TBCK: variants seen among roughly 807,000 people sequenced by gnomAD.
TBCK encodes the protein TBC1 domain containing kinase, also known as TBC domain-containing protein kinase-like protein.
Under a neutral mutation model 113.4 loss-of-function variants are expected in TBCK, and 99 were observed. That is an observed-to-expected ratio of 0.87 (90% CI 0.74 to 1.03). The LOEUF (loss-of-function observed/expected upper bound fraction) is 1.03, where lower values mean the gene tolerates loss of function less well. Ranked by LOEUF, TBCK falls within the 50% of genes least tolerant of loss-of-function variation. The pLI is 0.00. For synonymous variants in TBCK, 369 were observed against 370.8 expected (o/e 1.00, Z 0.05); for missense variants, 1,045 against 1,061.3 (o/e 0.98, Z 0.21).
chr4:106,277,840 C>T (rs1040069547), intron 3 of TBCK, among the ~76,000 whole-genome samples: 1 of 151,974 alleles, frequency 6.6e-6, no homozygotes, highest in Non-Finnish European at 1.5e-5. Context: ...TGTACTTCAC[C>T]AAATGTAAAT....
intron 23 of TBCK, among the ~76,000 whole-genome samples, chr4:106,120,247 G>A (rs561898103): frequency 3.9e-5 from 6 of 152,268 alleles, no homozygotes; most frequent in African/African-American, 7.2e-5. Flanking sequence ...CGAATATTGC[G>A]CTTTTCGGAC....
intron 20 of TBCK, among the ~76,000 whole-genome samples, chr4:106,205,045 G>A (rs565075015): frequency 1.1e-4 from 17 of 152,154 alleles, no homozygotes; most frequent in South Asian, 8.3e-4. Context: ...GATTACACGC[G>A]TGAGCCACCG....
At chr4:106,088,715 T>C (rs921687914) in intron 25 of TBCK, among the ~76,000 whole-genome samples, 16 of 152,172 alleles carry the variant, frequency 1.1e-4, no homozygotes, top group African/African-American at 3.9e-4. Context: ...GGAATAAAAC[T>C]GGATAAAGAA....
At chr4:106,234,795 CAGAG>C (rs1174756548) in intron 15 of TBCK, among the ~76,000 whole-genome samples, 1 of 152,044 alleles carries the variant, frequency 6.6e-6, no homozygotes, top group Non-Finnish European at 1.5e-5. Flanking sequence ...CTCACAACCA[CAGAG>C]AAAGTGCTAT....
intron 15 of TBCK, 103 bp downstream of exon 15, chr4:106,235,166 T>C: frequency 4.4e-6 from 3 of 680,094 alleles, no homozygotes; most frequent in Non-Finnish European, 6.7e-6. Context: ...TTTTACTATA[T>C]AATTTTCTAA....
intron 20 of TBCK, among the ~76,000 whole-genome samples, chr4:106,200,282 C>T (rs1754729862): frequency 6.6e-6 from 1 of 152,178 alleles, no homozygotes; most frequent in African/African-American, 2.4e-5. Flanking sequence ...GGCTCATTCC[C>T]ACAATCTCAG....
At chr4:106,289,652 C>A (rs567084378) in intron 3 of TBCK, among the ~76,000 whole-genome samples, 5 of 151,676 alleles carry the variant, frequency 3.3e-5, no homozygotes, top group African/African-American at 1.2e-4. Context: ...CCTGTAGTCC[C>A]AGCTGCTCAG....
intron 23 of TBCK, among the ~76,000 whole-genome samples, chr4:106,158,073 T>G (rs1285971292): frequency 6.6e-6 from 1 of 152,162 alleles, no homozygotes; most frequent in Non-Finnish European, 1.5e-5. Context: ...CAGAAAATCT[T>G]GGTAAAGTTG....
chr4:106,084,741 C>T (rs896906337), intron 25 of TBCK, among the ~76,000 whole-genome samples: 5 of 152,202 alleles, frequency 3.3e-5, no homozygotes, highest in Non-Finnish European at 7.3e-5. Context: ...CAGCGGACTT[C>T]TCAGGAGAAA....
chr4:106,146,853 C>T (rs1325833868), intron 23 of TBCK, among the ~76,000 whole-genome samples: 1 of 152,208 alleles, frequency 6.6e-6, no homozygotes, highest in Non-Finnish European at 1.5e-5. Context: ...TAGCATTTCA[C>T]CCACAAAAGA....
intron 3 of TBCK, among the ~76,000 whole-genome samples, chr4:106,263,863 T>G (rs1443303174): frequency 6.6e-6 from 1 of 152,028 alleles, no homozygotes; most frequent in Admixed American, 6.6e-5. Flanking sequence ...AGATTTTTAC[T>G]TACTTACTAA....
At chr4:106,106,945 A>G (rs1408543360) in intron 24 of TBCK, among the ~76,000 whole-genome samples, 1 of 152,182 alleles carries the variant, frequency 6.6e-6, no homozygotes, top group East Asian at 1.9e-4. Flanking sequence ...ATGGAGAAAA[A>G]TCTACCAAAA....
chr4:106,121,341 G>A (rs1269162687), intron 23 of TBCK, among the ~76,000 whole-genome samples: 1 of 148,174 alleles, frequency 6.7e-6, no homozygotes, highest in Admixed American at 6.7e-5. Flanking sequence ...AAATATATAT[G>A]CACCCAATAC....
chr4:106,116,099 G>T, intron 24 of TBCK, 104 bp downstream of exon 24: 1 of 1,128,966 alleles, frequency 8.9e-7, no homozygotes, highest in Non-Finnish European at 1.3e-6. Flanking sequence ...CTTGAATTCA[G>T]AAGAATCCCA....
intron 25 of TBCK, among the ~76,000 whole-genome samples, chr4:106,086,842 T>A (rs746389925): frequency 1.3e-5 from 2 of 152,324 alleles, no homozygotes; most frequent in Admixed American, 6.5e-5. Flanking sequence ...CACATGATTA[T>A]GTCAACAGAT....
At chr4:106,058,979 G>C (rs902468786) in intron 25 of TBCK, among the ~76,000 whole-genome samples, 6 of 151,772 alleles carry the variant, frequency 4.0e-5, no homozygotes, top group South Asian at 4.1e-4. Flanking sequence ...CTAGTTAACA[G>C]AGTAATAAGT....
chr4:106,264,927 TATTA>T (rs1762844867), intron 3 of TBCK, among the ~76,000 whole-genome samples: 1 of 151,970 alleles, frequency 6.6e-6, no homozygotes, highest in African/African-American at 2.4e-5. Flanking sequence ...TAGCATTCTT[TATTA>T]ATGGCGAGAA....
rs559348129 is a variant in TBCK, at chr4:106,208,904, C to T, written c.1860+3846G>A. The stretch of plus-strand genomic sequence containing the variant: ...TGTCACAGCATTCCCCTCATCCAGA[C>T]GCCGGCTCCCAAGGTGGAAGTAGGT... On this transcript the variant is annotated intron_variant, in intron 20 of 25. Transcript: ENST00000394708. Among the ~76,000 whole-genome samples the T allele has an allele frequency of 5.4e-4, 82 of 152,276 alleles. 1 individual carries two copies. The highest frequency in any genetic ancestry group is 1.8e-3 in the African/African-American group (73 of 41,568).
intron 12 of TBCK, among the ~76,000 whole-genome samples, chr4:106,240,111 T>G (rs995602242): frequency 4.0e-5 from 6 of 151,856 alleles, no homozygotes; most frequent in African/African-American, 1.2e-4. Flanking sequence ...TTAAATCCAT[T>G]AACATAATAC....
Sources: allele counts gnomAD v4.1 joint callset (sites outside exome capture counted in the v4.1 genomes callset), GRCh38; gene constraint gnomAD v4.1.1; transcripts MANE v1.5; gene names NCBI Gene and HGNC (gene_info 2026-07-23, HGNC 2026-07-21).